The following CSNK2A2IP variants were observed in gnomAD, a reference collection of about 807,000 sequenced individuals.
CSNK2A2IP encodes the protein casein kinase 2 subunit alpha' interacting protein.
chr3:88,439,122 C>T, the CSNK2A2IP span, among the ~76,000 whole-genome samples: 3 of 152,166 alleles, frequency 2.0e-5, no homozygotes, highest in South Asian at 2.1e-4. Flanking sequence ...TGTCTCCACC[C>T]TCTACCTTTC....
At chr3:88,454,935 G>T in the CSNK2A2IP span, among the ~76,000 whole-genome samples, 1 of 151,710 alleles carries the variant, frequency 6.6e-6, no homozygotes, top group African/African-American at 2.4e-5. Flanking sequence ...CTCTGTTACT[G>T]TGTGTTTGAC....
the CSNK2A2IP span, among the ~76,000 whole-genome samples, chr3:88,455,082 A>G: frequency 2.0e-5 from 3 of 149,146 alleles, no homozygotes; most frequent in African/African-American, 7.3e-5. Flanking sequence ...TTTAGGGCTG[A>G]ATAATATTCC....
the CSNK2A2IP span, among the ~76,000 whole-genome samples, chr3:88,458,961 A>T: frequency 6.6e-6 from 1 of 152,192 alleles, no homozygotes; most frequent in Non-Finnish European, 1.5e-5. Context: ...TTGGAGTTGA[A>T]TATTCTATGA....
the CSNK2A2IP span, among the ~76,000 whole-genome samples, chr3:88,390,798 C>T: frequency 6.6e-6 from 1 of 152,080 alleles, no homozygotes; most frequent in South Asian, 2.1e-4. Flanking sequence ...ATTTAGGTTT[C>T]TGCATCATGT....
the CSNK2A2IP span, among the ~76,000 whole-genome samples, chr3:88,440,113 G>T: frequency 2.0e-5 from 3 of 152,094 alleles, no homozygotes; most frequent in Non-Finnish European, 4.4e-5. Context: ...TCTAAAATTT[G>T]TAAAATAAGT....
At chr3:88,341,742 A>G in the CSNK2A2IP span, among the ~76,000 whole-genome samples, 2 of 152,132 alleles carry the variant, frequency 1.3e-5, no homozygotes, top group African/African-American at 4.8e-5. Context: ...TTAATATCTG[A>G]TAACATTAAT....
chr3:88,353,077 T>C, the CSNK2A2IP span, among the ~76,000 whole-genome samples: 1 of 152,170 alleles, frequency 6.6e-6, no homozygotes, highest in South Asian at 2.1e-4. Flanking sequence ...ATACTTCCCT[T>C]TGTTATCTGG....
the CSNK2A2IP span, among the ~76,000 whole-genome samples, chr3:88,405,686 C>G: frequency 6.6e-6 from 1 of 152,130 alleles, no homozygotes; most frequent in Non-Finnish European, 1.5e-5. Context: ...AACTCTCTTC[C>G]AATTATTTCA....
At chr3:88,340,586 A>G in the CSNK2A2IP span, among the ~76,000 whole-genome samples, 1 of 151,980 alleles carries the variant, frequency 6.6e-6, no homozygotes, top group Admixed American at 6.6e-5. Flanking sequence ...TTGTTCAATC[A>G]TGACCTGTGG....
At chr3:88,377,654 T>C in the CSNK2A2IP span, among the ~76,000 whole-genome samples, 1 of 151,884 alleles carries the variant, frequency 6.6e-6, no homozygotes, top group African/African-American at 2.4e-5. Context: ...TTTAAGTACT[T>C]TATAATTAGC....
At chr3:88,422,040 A>G in the CSNK2A2IP span, among the ~76,000 whole-genome samples, 10 of 152,196 alleles carry the variant, frequency 6.6e-5, no homozygotes, top group Admixed American at 6.5e-4. Flanking sequence ...CTTTTGCTAC[A>G]TCTGAGAGTC....
the CSNK2A2IP span, among the ~76,000 whole-genome samples, chr3:88,449,874 T>TATATATATAGAGAGAGAGAGAGAG: frequency 2.1e-4 from 15 of 70,084 alleles, no homozygotes; most frequent in Admixed American, 4.3e-4. Flanking sequence ...TATATATATA[T>TATATATATAGAGAGAGAGAGAGAG]AGAGAGAGAG....
chr3:88,344,125 T>A, the CSNK2A2IP span, among the ~76,000 whole-genome samples: 1 of 151,906 alleles, frequency 6.6e-6, no homozygotes, highest in African/African-American at 2.4e-5. Flanking sequence ...GCAACCAGGC[T>A]CCCATTCTAC....
chr3:88,412,925 G>A, the CSNK2A2IP span, among the ~76,000 whole-genome samples: 1 of 151,986 alleles, frequency 6.6e-6, no homozygotes, highest in Non-Finnish European at 1.5e-5. Flanking sequence ...ATGTTATGCA[G>A]CACGTGGCTA....
At chr3:88,357,449 T>C in the CSNK2A2IP span, among the ~76,000 whole-genome samples, 1 of 152,190 alleles carries the variant, frequency 6.6e-6, no homozygotes, top group South Asian at 2.1e-4. Flanking sequence ...GTGTCTGCTT[T>C]TGTGCCAGTA....
the CSNK2A2IP span, among the ~76,000 whole-genome samples, chr3:88,408,838 G>GTT: frequency 9.4e-3 from 1,376 of 146,372 alleles, 31 homozygotes; most frequent in African/African-American, 0.033. Flanking sequence ...TTGTTTTAAT[G>GTT]TTTTTTTTTT....
chr3:88,374,425 A>C, the CSNK2A2IP span, among the ~76,000 whole-genome samples: 2 of 151,664 alleles, frequency 1.3e-5, no homozygotes, highest in Admixed American at 6.6e-5. Context: ...AGTCATCAAC[A>C]TACAAACAAA....
chr3:88,355,656 GTTA>G, the CSNK2A2IP span, among the ~76,000 whole-genome samples: 1 of 152,106 alleles, frequency 6.6e-6, no homozygotes, highest in Non-Finnish European at 1.5e-5. Context: ...TAAGAAGTAT[GTTA>G]TTATTATTTG....
the CSNK2A2IP span, among the ~76,000 whole-genome samples, chr3:88,363,387 T>C: frequency 2.0e-5 from 3 of 152,216 alleles, no homozygotes; most frequent in Non-Finnish European, 4.4e-5. Context: ...TCTCTGGAAG[T>C]TAGATTTGGG....
Sources: allele counts gnomAD v4.1 joint callset (sites outside exome capture counted in the v4.1 genomes callset), GRCh38; gene constraint gnomAD v4.1.1; transcripts MANE v1.5; gene names NCBI Gene and HGNC (gene_info 2026-07-23, HGNC 2026-07-21).